DICER1: variants seen among roughly 807,000 people sequenced by gnomAD.
DICER1 encodes dicer 1, ribonuclease III, also known as endoribonuclease Dicer.
DICER1 carries 43 observed loss-of-function variants against 194.1 expected under a neutral mutation model. That is an observed-to-expected ratio of 0.22 (90% confidence interval 0.17 to 0.29). The LOEUF is 0.29. Among genes scored for constraint, DICER1 ranks in the 10% least tolerant of loss-of-function variants. DICER1 has a pLI of 1.00. For missense variants in DICER1, 1,608 were observed against 2,317.0 expected (o/e 0.69, Z 6.28); for synonymous variants, 832 against 820.5 (o/e 1.01, Z -0.24).
At chr14:95,149,273 A>G (rs754268404) in intron 1 of DICER1, among the ~76,000 whole-genome samples, 8 of 152,210 alleles carry the variant, frequency 5.3e-5, no homozygotes, top group Non-Finnish European at 1.0e-4. Context: ...ATAAGAGACT[A>G]CTGAGTTAAG....
chr14:95,114,283 T>A (rs1037658917), intron 11 of DICER1, among the ~76,000 whole-genome samples: 18 of 152,158 alleles, frequency 1.2e-4, no homozygotes, highest in African/African-American at 4.1e-4. Flanking sequence ...GGAATAATAG[T>A]GAGATGTTAA....
chr14:95,127,242 A>G (rs1354961850), intron 6 of DICER1, among the ~76,000 whole-genome samples: 1 of 152,202 alleles, frequency 6.6e-6, no homozygotes, highest in Non-Finnish European at 1.5e-5. Flanking sequence ...TAAAAAACTC[A>G]CTACAGCATT....
rs200613931 is a variant in DICER1, at chr14:95,093,850, A to G, written c.5364+38T>C. On this transcript the variant is annotated intron_variant, in intron 24 of 26. Coordinates refer to ENST00000343455, the MANE Select transcript of DICER1 (RefSeq NM_177438.3). ...TCTGAAACTACAGAGACTCCTAGTT[A>G]GACCACTTTTTTCAACATCGTTTTG... The G allele has an allele frequency of 6.2e-6, 10 of 1,611,466 alleles. No individual in the cohort carries two copies. The African/African-American group carries it at 1.1e-4, about 17-fold the overall frequency.
At chr14:95,126,465 G>T in intron 7 of DICER1, 115 bp downstream of exon 7, 1 of 683,380 alleles carries the variant, frequency 1.5e-6, no homozygotes, top group Non-Finnish European at 2.5e-6. Flanking sequence ...AAAAGATTAA[G>T]ACCTTAAACT....
chr14:95,117,606 T>C lies in DICER1; in HGVS notation c.1509+16A>G, dbSNP rs201947254. ...CCCGAAAACTGTTATTGTACACTTATTTTGATTTAAGTTACCTCTTCCTGT... is the reference window on the plus strand; with the variant it reads ...CCCGAAAACTGTTATTGTACACTTACTTTGATTTAAGTTACCTCTTCCTGT... On this transcript the variant is annotated intron_variant, in intron 9 of 26. Coordinates refer to ENST00000343455, the MANE Select transcript of DICER1 (RefSeq NM_177438.3). 1 of 1,613,960 alleles carries C rather than the reference T, an allele frequency of 6.2e-7. No homozygotes were observed. Among genetic ancestry groups the C allele is most frequent in the Non-Finnish European group, 8.5e-7 (1 of 1,179,826 alleles).
At position 95,129,686 on chromosome 14, in the gene DICER1, AAG is replaced by A. The variant is rs1404851895; in HGVS notation, c.574-56_574-55del. On this transcript the variant is annotated intron_variant, in intron 5 of 26. Transcript: ENST00000343455. ...AGACTTCATTTTGCAAGGCTATAAC[AAG>A]AGAGACATCGCCATATTAAAACATA... 6 of 1,509,084 alleles carry A rather than the reference AAG, an allele frequency of 4.0e-6. No individual in the cohort carries two copies. In the African/African-American group the frequency reaches 5.5e-5, roughly 14 times the overall value. The allele number at this position is 1,509,084 out of a possible 1,614,324, so 93.5% of individuals were successfully genotyped here. A position where few individuals can be genotyped will look rare whatever the true frequency, so the allele number is the denominator to read the frequency against.
intron 6 of DICER1, among the ~76,000 whole-genome samples, chr14:95,127,055 A>G (rs1170567899): frequency 1.3e-5 from 2 of 152,198 alleles, no homozygotes; most frequent in African/African-American, 2.4e-5. Context: ...ATCCCCAAGC[A>G]TGATGCTGGG....
At position 95,115,732 on chromosome 14, in the gene DICER1, A is replaced by G. The variant is rs1027487149; in HGVS notation, c.1842T>C (p.Tyr614=). The stretch of plus-strand genomic sequence containing the variant: ...GACCACCATCGTCAGGCCTCAACAC[A>G]TATGGTGGGAAAACGTCATCATCAT... ...VMDDDDVFPP[Y]VLRPDDGGPR... The change falls in exon 11 of 27, where the codon TAT becomes TAC. Residue 614 remains tyrosine (Y), a synonymous_variant. Transcript: ENST00000343455. 1.2e-6 allele frequency: 2 copies of G among 1,614,068 alleles called. No individual in the cohort carries two copies. The highest frequency in any genetic ancestry group is 1.3e-5 in the African/African-American group (1 of 74,918).
chr14:95,123,176 G>C (rs1273273949), intron 8 of DICER1, among the ~76,000 whole-genome samples: 1 of 152,100 alleles, frequency 6.6e-6, no homozygotes, highest in Non-Finnish European at 1.5e-5. Flanking sequence ...CATACATTAA[G>C]TGACCATCTG....
At chr14:95,109,849 G>T (rs967742105) in intron 14 of DICER1, among the ~76,000 whole-genome samples, 1 of 152,176 alleles carries the variant, frequency 6.6e-6, no homozygotes, top group South Asian at 2.1e-4. Flanking sequence ...TAACAGGTGT[G>T]TACAGTACAG....
At chr14:95,146,681 T>C (rs1186703630) in intron 1 of DICER1, among the ~76,000 whole-genome samples, 1 of 152,112 alleles carries the variant, frequency 6.6e-6, no homozygotes, top group Non-Finnish European at 1.5e-5. Flanking sequence ...GCCCAGCCAC[T>C]AGCTGAGCCA....
At position 95,141,522 on chromosome 14, in the gene DICER1, A is replaced by G. The variant is rs1242368232; in HGVS notation, c.-45-8019T>C. 5.3e-5 allele frequency among the ~76,000 whole-genome samples: 8 copies of G among 152,328 alleles called. No homozygotes were observed. The East Asian group carries it at 9.6e-4, about 18-fold the overall frequency. On this transcript the variant is annotated intron_variant, in intron 1 of 26. Transcript: ENST00000343455. ...ATGCCTCCACTACCATAAGCTCAGGAAAAACAAATTGGCAGTGGCCTCTTT... is the reference window on the plus strand; with the variant it reads ...ATGCCTCCACTACCATAAGCTCAGGGAAAACAAATTGGCAGTGGCCTCTTT...
At chr14:95,127,431 A>G (rs1893570210) in intron 6 of DICER1, among the ~76,000 whole-genome samples, 1 of 152,122 alleles carries the variant, frequency 6.6e-6, no homozygotes, top group Admixed American at 6.6e-5. Flanking sequence ...GATTTCCAAT[A>G]TTTTTCAGAT....
Position 95,107,921 on chromosome 14 carries a change from G to A in DICER1, c.2609C>T (p.Thr870Ile). 2 of 1,614,078 alleles carry A rather than the reference G, an allele frequency of 1.2e-6. No individual in the cohort carries two copies. The highest frequency in any genetic ancestry group is 1.7e-6 in the Non-Finnish European group (2 of 1,179,966). The change falls in exon 16 of 27, where the codon ACA becomes ATA. Residue 870 changes from threonine (T) to isoleucine (I), a missense_variant. Physicochemically the swap from Thr to Ile is moderately conservative, Grantham distance 89. Transcript: ENST00000343455. Reference sequence around the variant, plus strand: ...AACACAGTATGCTGAATCAGCGTCTGTAGGTTTAAATTCTAGTGCAGGTTT... The same window carrying A: ...AACACAGTATGCTGAATCAGCGTCTATAGGTTTAAATTCTAGTGCAGGTTT... The part of the protein sequence containing the change: ...LEKPALEFKP[T>I]DADSAYCVLP...
In DICER1 at chr14:95,089,249, C is replaced by T; in HGVS notation, c.*1249G>A. 4.4e-6 allele frequency: 1 copy of T among 229,414 alleles called. No individual in the cohort carries two copies. The highest frequency in any genetic ancestry group is 8.6e-6 in the Non-Finnish European group (1 of 116,520). The allele number at this position is 229,414 out of a possible 1,614,324, so 14.2% of individuals were successfully genotyped here. On this transcript the variant is annotated 3_prime_UTR_variant, in exon 27 of 27. Transcript: ENST00000343455. ...AGATGGAAATAATGAGCTAGTTTATCTAAATTAATGACCTAAATCACAGAT... is the reference window on the plus strand; with the variant it reads ...AGATGGAAATAATGAGCTAGTTTATTTAAATTAATGACCTAAATCACAGAT...
At chr14:95,128,383 A>C (rs937553896) in intron 6 of DICER1, among the ~76,000 whole-genome samples, 1 of 152,246 alleles carries the variant, frequency 6.6e-6, no homozygotes, top group Non-Finnish European at 1.5e-5. Flanking sequence ...AACTCAGGTC[A>C]GACAAAAGCA....
chr14:95,127,456 A>G (rs544020903), intron 6 of DICER1, among the ~76,000 whole-genome samples: 13 of 152,260 alleles, frequency 8.5e-5, no homozygotes, highest in Admixed American at 3.3e-4. Context: ...GAATATTTGC[A>G]TATAAAAAAT....
Position 95,126,687 on chromosome 14 carries a change from G to A in DICER1, c.796C>T (p.Leu266Phe), listed in dbSNP as rs772627278. Residue 266 changes from leucine to phenylalanine, a missense_variant, in exon 7 of 27, where the codon CTT becomes TTT. By Grantham distance (22) the Leu-to-Phe change is conservative. Coordinates refer to ENST00000343455, the MANE Select transcript of DICER1 (RefSeq NM_177438.3). ...AATTCCATCAGCAGTCTTTCATAAA[G>A]CCCACTTCTGTCAGTAAATGGTCCA... ...DCGPFTDRSGLYERLLMELEE... is the reference protein window; with the variant it reads ...DCGPFTDRSGFYERLLMELEE... 7 of 1,606,090 alleles carry A rather than the reference G, an allele frequency of 4.4e-6. No homozygotes were observed. The highest frequency in any genetic ancestry group is 5.1e-6 in the Non-Finnish European group (6 of 1,172,892).
chr14:95,105,078 C>T lies in DICER1; in HGVS notation c.3262G>A (p.Asp1088Asn). The change falls in exon 20 of 27, where the codon GAT becomes AAT. Residue 1088 changes from aspartate (D) to asparagine (N), a missense_variant. Physicochemically the swap from Asp to Asn is conservative, Grantham distance 23. Transcript: ENST00000343455. The surrounding 1 kb of genome is among the most constrained non-coding windows in gnomAD (Gnocchi z 4.9). ...AGVGVRSLPA[D>N]FRYPNLDFGW... ...CTGACTGCACAGGCATACCTAAAATCCGCAGGAAGTGATCTGACTCCCACG... is the reference window on the plus strand; with the variant it reads ...CTGACTGCACAGGCATACCTAAAATTCGCAGGAAGTGATCTGACTCCCACG... 6.2e-7 allele frequency: 1 copy of T among 1,614,028 alleles called. No homozygotes were observed. Among genetic ancestry groups the T allele is most frequent in the Non-Finnish European group, 8.5e-7 (1 of 1,179,996 alleles).
Sources: allele counts gnomAD v4.1 joint callset (sites outside exome capture counted in the v4.1 genomes callset), GRCh38; gene constraint gnomAD v4.1.1; non-coding constraint Gnocchi (gnomAD v3.1); transcripts MANE v1.5; gene names NCBI Gene and HGNC (gene_info 2026-07-23, HGNC 2026-07-21).